TCF7L2: variants seen among roughly 807,000 people sequenced by gnomAD.
The protein encoded by TCF7L2 is transcription factor 7-like 2.
A neutral mutation model predicts 77.9 loss-of-function variants in TCF7L2; 23 were observed. That is an observed-to-expected ratio of 0.30 (90% CI 0.21 to 0.42). The LOEUF (loss-of-function observed/expected upper bound fraction) is 0.42, where lower values mean the gene tolerates loss of function less well. Ranked by LOEUF, TCF7L2 falls within the 10% of genes least tolerant of loss-of-function variation. TCF7L2 has a pLI of 1.00. For missense variants in TCF7L2, 654 were observed against 793.1 expected, an observed-to-expected ratio of 0.82 and a Z score of 2.11; for synonymous variants, 413 against 340.2, an observed-to-expected ratio of 1.21 and a Z score of -2.36.
chr10:113,108,394 C>CCGTTAAACTTGGGG (rs1236063776), intron 5 of TCF7L2, among the ~76,000 whole-genome samples: 5 of 152,066 alleles, frequency 3.3e-5, no homozygotes, highest in Non-Finnish European at 7.3e-5. Context: ...CTAACACAGG[C>CCGTTAAACTTGGGG]CGTTAAACTT....
At chr10:112,951,703 TCCC>T in intron 3 of TCF7L2, 96 bp downstream of exon 3, 1 of 445,354 alleles carries the variant, frequency 2.2e-6, no homozygotes, top group Non-Finnish European at 2.6e-6. Flanking sequence ...CCTCCCCGCC[TCCC>T]CCTCCCCGCC....
chr10:112,985,631 T>C (rs1473668964), intron 4 of TCF7L2, among the ~76,000 whole-genome samples: 1 of 152,214 alleles, frequency 6.6e-6, no homozygotes, highest in Non-Finnish European at 1.5e-5. Flanking sequence ...GAGTGTTATA[T>C]GAAACATCAT....
At chr10:113,110,727 A>C (rs761411703) in intron 5 of TCF7L2, among the ~76,000 whole-genome samples, 12 of 152,194 alleles carry the variant, frequency 7.9e-5, no homozygotes, top group Non-Finnish European at 1.8e-4. Flanking sequence ...AAAGCCCTAA[A>C]ATTAAGTATG....
chr10:113,137,817 T>A (rs1310567839), intron 5 of TCF7L2, among the ~76,000 whole-genome samples: 1 of 152,238 alleles, frequency 6.6e-6, no homozygotes, highest in African/African-American at 2.4e-5. Context: ...GACTGGGCAC[T>A]TGGGAGGACA....
intron 5 of TCF7L2, among the ~76,000 whole-genome samples, chr10:113,054,070 C>G (rs2054935494): frequency 6.6e-6 from 1 of 152,188 alleles, no homozygotes; most frequent in Non-Finnish European, 1.5e-5. Context: ...ACCTGGAGGC[C>G]TGTCATTCTT....
chr10:113,151,678 G>A lies in TCF7L2; in HGVS notation c.1002-47G>A, dbSNP rs779939312. 1.6e-5 allele frequency: 24 copies of A among 1,541,524 alleles called. No individual in the cohort carries two copies. The highest frequency in any genetic ancestry group is 1.9e-5 in the Non-Finnish European group (22 of 1,152,896). Reference sequence around the variant, plus strand: ...ACGTTCCCTGCCATGGAGGAAGTTGGACCACGACCTTGTTTATTGGGTTGC... The same window carrying A: ...ACGTTCCCTGCCATGGAGGAAGTTGAACCACGACCTTGTTTATTGGGTTGC... On this transcript the variant is annotated intron_variant, in intron 9 of 13. Coordinates refer to ENST00000627217, the MANE Select transcript of TCF7L2 (RefSeq NM_001146274.2). The surrounding 1 kb of genome is among the most constrained non-coding windows in gnomAD (Gnocchi z 5.2).
intron 11 of TCF7L2, among the ~76,000 whole-genome samples, chr10:113,153,376 T>C (rs1001035603): frequency 6.6e-6 from 1 of 152,234 alleles, no homozygotes; most frequent in Non-Finnish European, 1.5e-5. Flanking sequence ...CATCCACTCT[T>C]AGGGGAACAC....
intron 4 of TCF7L2, among the ~76,000 whole-genome samples, chr10:113,035,914 A>G (rs1219807741): frequency 1.3e-5 from 2 of 152,192 alleles, no homozygotes. Context: ...GCAAAGCCTA[A>G]GATATTTGCT....
At chr10:113,021,288 A>C (rs1486531399) in intron 4 of TCF7L2, among the ~76,000 whole-genome samples, 5 of 152,166 alleles carry the variant, frequency 3.3e-5, no homozygotes, top group Non-Finnish European at 7.3e-5. Context: ...TAAGACTGCA[A>C]ATGTTAGATG....
chr10:113,000,952 T>C (rs2044359888), intron 4 of TCF7L2, among the ~76,000 whole-genome samples: 1 of 152,242 alleles, frequency 6.6e-6, no homozygotes, highest in Non-Finnish European at 1.5e-5. Flanking sequence ...CTCTAAGGAT[T>C]CTGCTTCATC....
intron 3 of TCF7L2, among the ~76,000 whole-genome samples, chr10:112,953,812 T>G (rs2032739363): frequency 6.6e-6 from 1 of 152,222 alleles, no homozygotes; most frequent in South Asian, 2.1e-4. Context: ...GTCTAGTTAT[T>G]TTAATTGTGG....
chr10:113,018,210 T>C (rs1046049407), intron 4 of TCF7L2, among the ~76,000 whole-genome samples: 8 of 152,176 alleles, frequency 5.3e-5, no homozygotes, highest in Non-Finnish European at 1.2e-4. Context: ...GCACATAACA[T>C]AGTAGGTGCT....
intron 4 of TCF7L2, among the ~76,000 whole-genome samples, chr10:113,019,919 T>C (rs937914712): frequency 6.6e-6 from 1 of 152,158 alleles, no homozygotes; most frequent in Non-Finnish European, 1.5e-5. Flanking sequence ...GTTTACGTTA[T>C]GTTAAAGGCT....
intron 6 of TCF7L2, among the ~76,000 whole-genome samples, chr10:113,142,294 A>T (rs2068523417): frequency 6.6e-6 from 1 of 152,180 alleles, no homozygotes; most frequent in Non-Finnish European, 1.5e-5. Context: ...CCAGCCCAGC[A>T]TCCCCTTTTT....
At chr10:113,075,484 A>G (rs1188565744) in intron 5 of TCF7L2, among the ~76,000 whole-genome samples, 1 of 152,172 alleles carries the variant, frequency 6.6e-6, no homozygotes, top group Non-Finnish European at 1.5e-5. Context: ...AAAAGAAAAA[A>G]AGAGTATCTT....
At position 113,050,391 on chromosome 10, in the gene TCF7L2, G is replaced by C. The variant is rs185660722; in HGVS notation, c.552+10265G>C. 9.0e-3 allele frequency among the ~76,000 whole-genome samples: 1,363 copies of C among 151,434 alleles called. 18 individuals carry two copies. Among genetic ancestry groups the C allele is most frequent in the African/African-American group, 0.032 (1,295 of 40,758 alleles). On this transcript the variant is annotated intron_variant, in intron 5 of 13. Transcript: ENST00000627217. ...ATCCCATTGTCCCAGAGGTGGGGGT[G>C]TTATCAAGACCTGTTTTTGAGCCAT...
At chr10:113,051,147 G>A (rs2054355922) in intron 5 of TCF7L2, among the ~76,000 whole-genome samples, 1 of 149,806 alleles carries the variant, frequency 6.7e-6, no homozygotes, top group South Asian at 2.1e-4. Flanking sequence ...TCTTTTCCAC[G>A]CAGAGAGGAT....
At chr10:113,093,368 T>TG (rs1359063869) in intron 5 of TCF7L2, among the ~76,000 whole-genome samples, 3 of 152,228 alleles carry the variant, frequency 2.0e-5, no homozygotes, top group Non-Finnish European at 2.9e-5. Context: ...TTCTTGGCCA[T>TG]GGTTCTTGGC....
intron 4 of TCF7L2, among the ~76,000 whole-genome samples, chr10:113,006,391 A>G (rs186728015): frequency 2.3e-4 from 35 of 152,268 alleles, no homozygotes; most frequent in East Asian, 7.7e-4. Flanking sequence ...CTCTGCCTCA[A>G]TCCCTCACGC....
Sources: allele counts gnomAD v4.1 joint callset (sites outside exome capture counted in the v4.1 genomes callset), GRCh38; gene constraint gnomAD v4.1.1; non-coding constraint Gnocchi (gnomAD v3.1); transcripts MANE v1.5; gene names NCBI Gene and HGNC (gene_info 2026-07-23, HGNC 2026-07-21).